The following CSMD1 variants were observed in gnomAD, a reference collection of about 807,000 sequenced individuals.
CSMD1 encodes CUB and sushi domain-containing protein 1.
A neutral mutation model predicts 417.5 loss-of-function variants in CSMD1; 213 were observed. The observed-to-expected ratio is 0.51, with a 90% confidence interval of 0.46 to 0.57. CSMD1 has a LOEUF of 0.57. Ranked by LOEUF, CSMD1 falls within the 20% of genes least tolerant of loss-of-function variation. The pLI, the probability that CSMD1 is intolerant of heterozygous loss-of-function variation, is 0.00. For synonymous variants in CSMD1, 2,862 were observed against 1,736.8 expected (o/e 1.65, Z -16.11); for missense variants, 6,923 against 4,529.7 (o/e 1.53, Z -15.17).
chr8:4,759,654 AAT>A (rs1374875396), intron 1 of CSMD1, among the ~76,000 whole-genome samples: 1 of 152,044 alleles, frequency 6.6e-6, no homozygotes, highest in Non-Finnish European at 1.5e-5. Flanking sequence ...TATAAGTGAG[AAT>A]ATGTGGTGTT....
intron 50 of CSMD1, among the ~76,000 whole-genome samples, chr8:3,038,702 T>C (rs543587343): frequency 1.3e-5 from 2 of 150,478 alleles, no homozygotes; most frequent in Non-Finnish European, 3.0e-5. Flanking sequence ...GAAAAAAAAA[T>C]TCGCTTAAGT....
At chr8:3,716,334 G>A (rs1387743796) in intron 6 of CSMD1, among the ~76,000 whole-genome samples, 5 of 152,174 alleles carry the variant, frequency 3.3e-5, no homozygotes, top group Non-Finnish European at 1.5e-5. Context: ...GAAAATAGAG[G>A]AATAAAAGAA....
chr8:4,305,876 G>A (rs909070710), intron 3 of CSMD1, among the ~76,000 whole-genome samples: 4 of 152,064 alleles, frequency 2.6e-5, no homozygotes, highest in Admixed American at 6.6e-5. Flanking sequence ...TTGCTTACGT[G>A]TGTATATGCA....
At chr8:4,887,409 C>G (rs950388993) in intron 1 of CSMD1, among the ~76,000 whole-genome samples, 1 of 152,022 alleles carries the variant, frequency 6.6e-6, no homozygotes, top group Non-Finnish European at 1.5e-5. Flanking sequence ...GACAACAGTT[C>G]ATCTGCAAAT....
At chr8:3,824,007 G>A (rs1801898429) in intron 5 of CSMD1, among the ~76,000 whole-genome samples, 2 of 151,958 alleles carry the variant, frequency 1.3e-5, no homozygotes. Flanking sequence ...TTTGCTTCCA[G>A]TCTCTGTGCC....
chr8:4,249,701 G>C (rs1306385476), intron 3 of CSMD1, among the ~76,000 whole-genome samples: 1 of 152,168 alleles, frequency 6.6e-6, no homozygotes, highest in Non-Finnish European at 1.5e-5. Flanking sequence ...GCGAAATAAA[G>C]CTGGAAGACT....
chr8:4,672,835 G>A (rs562079274), intron 1 of CSMD1, among the ~76,000 whole-genome samples: 2 of 151,656 alleles, frequency 1.3e-5, no homozygotes, highest in African/African-American at 2.4e-5. Context: ...ACACACTCCC[G>A]TATGTAGTGA....
chr8:3,305,775 G>T (rs900221040), intron 25 of CSMD1, among the ~76,000 whole-genome samples: 22 of 152,156 alleles, frequency 1.4e-4, no homozygotes, highest in African/African-American at 5.1e-4. Context: ...CACCTCCTGG[G>T]TTCACACCAT....
chr8:4,105,288 T>C (rs1801510351), intron 3 of CSMD1, among the ~76,000 whole-genome samples: 1 of 152,222 alleles, frequency 6.6e-6, no homozygotes, highest in Non-Finnish European at 1.5e-5. Context: ...AATTTTCATT[T>C]TAACTTCATT....
chr8:3,931,206 A>C (rs963052229), intron 5 of CSMD1, among the ~76,000 whole-genome samples: 1 of 150,734 alleles, frequency 6.6e-6, no homozygotes, highest in Admixed American at 6.6e-5. Flanking sequence ...GGAAGACACT[A>C]AATAAATGAG....
chr8:3,075,136 T>G (rs57472933), intron 49 of CSMD1, among the ~76,000 whole-genome samples: 1 of 151,946 alleles, frequency 6.6e-6, no homozygotes, highest in Non-Finnish European at 1.5e-5. Flanking sequence ...CCTTCTGCCA[T>G]GATTAGAAGT....
chr8:4,909,425 A>G (rs1805512956), intron 1 of CSMD1, among the ~76,000 whole-genome samples: 1 of 152,186 alleles, frequency 6.6e-6, no homozygotes, highest in South Asian at 2.1e-4. Flanking sequence ...CACTAGCAAG[A>G]CAGGAAGGCT....
intron 5 of CSMD1, among the ~76,000 whole-genome samples, chr8:3,850,348 T>C (rs755999474): frequency 6.6e-6 from 1 of 152,222 alleles, no homozygotes; most frequent in Non-Finnish European, 1.5e-5. Flanking sequence ...CTTTCTACTA[T>C]CCTTGCCTTT....
At chr8:4,658,972 G>C (rs1290519573) in intron 1 of CSMD1, among the ~76,000 whole-genome samples, 1 of 152,080 alleles carries the variant, frequency 6.6e-6, no homozygotes, top group Non-Finnish European at 1.5e-5. Flanking sequence ...AATGTCTGTG[G>C]TAACCACGAA....
chr8:4,432,331 A>C (rs965609991), intron 2 of CSMD1, among the ~76,000 whole-genome samples: 3 of 152,162 alleles, frequency 2.0e-5, no homozygotes, highest in Non-Finnish European at 4.4e-5. Context: ...TAACTTACTC[A>C]AAGGACTGCT....
chr8:4,842,547 G>C (rs1179730134), intron 1 of CSMD1, among the ~76,000 whole-genome samples: 3 of 152,126 alleles, frequency 2.0e-5, no homozygotes, highest in Admixed American at 2.0e-4. Flanking sequence ...CGAGCACTAA[G>C]GGTCACAACG....
intron 10 of CSMD1, among the ~76,000 whole-genome samples, chr8:3,532,504 C>T (rs1798024453): frequency 6.6e-6 from 1 of 152,148 alleles, no homozygotes; most frequent in Admixed American, 6.5e-5. Flanking sequence ...ATATCCCAAC[C>T]TTCCCCTCAG....
intron 3 of CSMD1, among the ~76,000 whole-genome samples, chr8:4,074,712 G>T (rs564024452): frequency 2.0e-5 from 3 of 151,656 alleles, no homozygotes; most frequent in African/African-American, 7.3e-5. Context: ...TGAGATTCCA[G>T]ACCATTTAAT....
intron 4 of CSMD1, among the ~76,000 whole-genome samples, chr8:4,015,605 A>G (rs1796483134): frequency 6.8e-6 from 1 of 147,986 alleles, no homozygotes; most frequent in Non-Finnish European, 1.5e-5. Flanking sequence ...AATGACTATC[A>G]TTCAGTCTCC....
Sources: gnomAD v4.1 joint callset for allele counts (sites outside exome capture counted in the v4.1 genomes callset) on GRCh38, gnomAD v4.1.1 for gene constraint, MANE v1.5 for transcripts, NCBI Gene and HGNC (gene_info 2026-07-23, HGNC 2026-07-21) for gene names.